The following PI15 variants were observed in gnomAD, a reference collection of about 807,000 sequenced individuals.
PI15 encodes peptidase inhibitor 15, also known as 25 kDa trypsin inhibitor.
A neutral mutation model predicts 31.0 loss-of-function variants in PI15; 18 were observed. That is an observed-to-expected ratio of 0.58 (90% CI 0.40 to 0.86). The LOEUF (loss-of-function observed/expected upper bound fraction) is 0.86. Among genes scored for constraint, PI15 ranks in the 40% least tolerant of loss-of-function variants. The probability of loss-of-function intolerance (pLI) is 0.00; values close to 1 mark genes in which losing one functional copy is unlikely to be tolerated. For synonymous variants in PI15, 118 were observed against 119.1 expected (o/e 0.99, Z 0.06); for missense variants, 282 against 328.1 (o/e 0.86, Z 1.09).
Position 74,825,437 on chromosome 8 carries a change from C to T in PI15, c.188C>T (p.Ser63Leu), listed in dbSNP as rs192682386. 15 of 1,612,744 alleles carry T rather than the reference C, an allele frequency of 9.3e-6. No individual in the cohort carries two copies. In the African/African-American group the frequency reaches 9.3e-5, roughly 10 times the overall value. Residue 63 changes from serine (S) to leucine (L), a missense_variant, in exon 2 of 6, where the codon TCG (serine) becomes TTG (leucine). Ser to Leu is a moderately radical substitution (Grantham distance 145, BLOSUM62 -2). Transcript: ENST00000260113. ...IPKARRKRYI[S>L]QNDMIAILDY... ...AAAGCCAGGCGGAAGCGCTACATTT[C>T]GCAGAATGACATGATCGCCATTCTT...
intron 5 of PI15, among the ~76,000 whole-genome samples, chr8:74,846,615 G>T (rs1467456570): frequency 1.3e-5 from 2 of 152,094 alleles, no homozygotes; most frequent in Admixed American, 1.3e-4. Context: ...ACAGGTCCAA[G>T]AGATTAAGAT....
At position 74,854,849 on chromosome 8, in the gene PI15, G is replaced by A. The variant is rs1811158535; in HGVS notation, c.*5596G>A. On this transcript the variant is annotated 3_prime_UTR_variant, in exon 6 of 6. Transcript: ENST00000260113. Reference sequence around the variant, plus strand: ...GATATTTTTTAAACAGATTAATTTGGAGAAGTTTTATTCATTACCTAATTC... The same window carrying A: ...GATATTTTTTAAACAGATTAATTTGAAGAAGTTTTATTCATTACCTAATTC... The A allele has an allele frequency of 1.3e-5, 2 of 151,882 alleles. No individual in the cohort carries two copies. Among genetic ancestry groups the A allele is most frequent in the South Asian group, 4.2e-4 (2 of 4,802 alleles). 9.4% of individuals were successfully genotyped at this position (151,882 alleles called of 1,614,324 possible).
At chr8:74,844,315 C>G (rs1810988820) in intron 3 of PI15, among the ~76,000 whole-genome samples, 2 of 151,848 alleles carry the variant, frequency 1.3e-5, no homozygotes, top group South Asian at 4.1e-4. Context: ...CCTTGGAACA[C>G]CTTCCCTTAG....
At chr8:74,840,320 G>T (rs1810927906) in intron 2 of PI15, among the ~76,000 whole-genome samples, 1 of 151,690 alleles carries the variant, frequency 6.6e-6, no homozygotes, top group South Asian at 2.1e-4. Context: ...CAAGCACTGG[G>T]TCTTATTTTT....
chr8:74,847,865 G>A (rs1445586506), intron 5 of PI15, among the ~76,000 whole-genome samples: 1 of 151,956 alleles, frequency 6.6e-6, no homozygotes, highest in Non-Finnish European at 1.5e-5. Flanking sequence ...CTTACCTATT[G>A]TTGTCTTATC....
At chr8:74,830,150 A>G (rs964466461) in intron 2 of PI15, among the ~76,000 whole-genome samples, 1 of 152,076 alleles carries the variant, frequency 6.6e-6, no homozygotes, top group African/African-American at 2.4e-5. Context: ...AGCTGCTCCA[A>G]CATAAAGTGG....
chr8:74,843,692 T>C (rs56050143), intron 2 of PI15, among the ~76,000 whole-genome samples: 42,130 of 151,952 alleles, frequency 0.28, 6,203 homozygotes, highest in Non-Finnish European at 0.32. Context: ...GGTGAAACCC[T>C]ATCACTACGA....
At chr8:74,828,633 T>C (rs1275765748) in intron 2 of PI15, among the ~76,000 whole-genome samples, 1 of 152,112 alleles carries the variant, frequency 6.6e-6, no homozygotes, top group Non-Finnish European at 1.5e-5. Flanking sequence ...TCCTAACCTG[T>C]TCTATGTACC....
intron 3 of PI15, among the ~76,000 whole-genome samples, chr8:74,844,659 C>T (rs1462137206): frequency 6.6e-6 from 1 of 152,084 alleles, no homozygotes; most frequent in Non-Finnish European, 1.5e-5. Flanking sequence ...TTATCCAACA[C>T]TCCAAATACC....
At chr8:74,831,709 A>T (rs570552229) in intron 2 of PI15, among the ~76,000 whole-genome samples, 1 of 152,238 alleles carries the variant, frequency 6.6e-6, no homozygotes, top group South Asian at 2.1e-4. Context: ...CCTAGCTCAG[A>T]TGTGGAGTGG....
intron 2 of PI15, among the ~76,000 whole-genome samples, chr8:74,832,526 T>C (rs1298448902): frequency 6.6e-5 from 10 of 152,030 alleles, no homozygotes; most frequent in Non-Finnish European, 1.2e-4. Flanking sequence ...AATACCCCCC[T>C]CTGTTTTTTT....
chr8:74,838,030 A>G (rs1280861406), intron 2 of PI15, among the ~76,000 whole-genome samples: 2 of 152,038 alleles, frequency 1.3e-5, no homozygotes, highest in African/African-American at 2.4e-5. Flanking sequence ...CATTTATTTA[A>G]TGTTTGTTAC....
At chr8:74,839,060 T>C (rs1294128478) in intron 2 of PI15, among the ~76,000 whole-genome samples, 1 of 152,246 alleles carries the variant, frequency 6.6e-6, no homozygotes, top group South Asian at 2.1e-4. Flanking sequence ...AATTTTGTAT[T>C]CAGCTCAAGT....
intron 2 of PI15, among the ~76,000 whole-genome samples, chr8:74,843,600 G>A (rs1810975651): frequency 6.6e-6 from 1 of 152,124 alleles, no homozygotes; most frequent in Admixed American, 6.6e-5. Flanking sequence ...GTGGTAGTGC[G>A]CACCTGCAAT....
At chr8:74,837,204 T>A (rs953421097) in intron 2 of PI15, among the ~76,000 whole-genome samples, 3 of 152,168 alleles carry the variant, frequency 2.0e-5, no homozygotes, top group Non-Finnish European at 4.4e-5. Context: ...TATAGTGTCA[T>A]ATTTTGTAGT....
intron 2 of PI15, among the ~76,000 whole-genome samples, chr8:74,829,252 T>A (rs1305404525): frequency 6.6e-6 from 1 of 152,136 alleles, no homozygotes; most frequent in Non-Finnish European, 1.5e-5. Context: ...ATAATGATAT[T>A]TGATTCCACA....
intron 2 of PI15, among the ~76,000 whole-genome samples, chr8:74,830,378 A>G (rs951832959): frequency 6.6e-6 from 1 of 152,130 alleles, no homozygotes; most frequent in African/African-American, 2.4e-5. Context: ...ACCTGCAAAT[A>G]TTATTTGCAG....
At chr8:74,829,510 A>C (rs534183049) in intron 2 of PI15, among the ~76,000 whole-genome samples, 1 of 152,270 alleles carries the variant, frequency 6.6e-6, no homozygotes, top group East Asian at 1.9e-4. Context: ...TGCAAGACCC[A>C]CACATAGAGT....
chr8:74,837,937 C>A (rs1226671653), intron 2 of PI15, among the ~76,000 whole-genome samples: 1 of 151,980 alleles, frequency 6.6e-6, no homozygotes, highest in African/African-American at 2.4e-5. Flanking sequence ...CTTTAATTTT[C>A]ATAATTAATA....
Sources: gnomAD v4.1 joint callset for allele counts (sites outside exome capture counted in the v4.1 genomes callset) on GRCh38, gnomAD v4.1.1 for gene constraint, MANE v1.5 for transcripts, NCBI Gene and HGNC (gene_info 2026-07-23, HGNC 2026-07-21) for gene names.